Variants in B4GALNT3 observed in about 807,000 individuals in gnomAD.
The protein encoded by B4GALNT3 is beta-1,4-N-acetylgalactosaminyltransferase 3.
In B4GALNT3, 86 loss-of-function variants were observed where a neutral mutation model predicts 120.2. The observed-to-expected ratio is 0.72, with a 90% CI of 0.60 to 0.86. The LOEUF is 0.86. Among genes scored for constraint, B4GALNT3 ranks in the 40% least tolerant of loss-of-function variants. The pLI is 0.00. For missense variants in B4GALNT3, 1,167 were observed against 1,298.9 expected, an observed-to-expected ratio of 0.90 and a Z score of 1.56; for synonymous variants, 518 against 510.4, an observed-to-expected ratio of 1.01 and a Z score of -0.20.
intron 1 of B4GALNT3, among the ~76,000 whole-genome samples, chr12:501,904 C>G (rs528103594): frequency 6.6e-6 from 1 of 152,216 alleles, no homozygotes; most frequent in African/African-American, 2.4e-5. Flanking sequence ...ACTGTACTTA[C>G]GGCAGGTGCT....
rs764602909 is a variant in B4GALNT3 at position 548,010 on chromosome 12, C to G, written c.708-14C>G. ...GGAGATGGCGCTCTGCTTCCCTGCC[C>G]TCTCTCCCGCCAGCCTGTCAGCCTC... On this transcript the variant is annotated splice_polypyrimidine_tract_variant and intron_variant, in intron 7 of 19. Transcript: ENST00000266383. The surrounding 1 kb of genome is among the most constrained non-coding windows in gnomAD (Gnocchi z 4.9). 1.9e-6 allele frequency: 3 copies of G among 1,613,130 alleles called. No homozygotes were observed. The highest frequency in any genetic ancestry group is 2.5e-6 in the Non-Finnish European group (3 of 1,179,430).
intron 1 of B4GALNT3, among the ~76,000 whole-genome samples, chr12:461,744 T>C (rs899141657): frequency 6.6e-6 from 1 of 152,182 alleles, no homozygotes; most frequent in Non-Finnish European, 1.5e-5. Context: ...AGAGAATTAC[T>C]AGGGACAGTC....
At chr12:497,742 C>T (rs1369566240) in intron 1 of B4GALNT3, among the ~76,000 whole-genome samples, 1 of 152,154 alleles carries the variant, frequency 6.6e-6, no homozygotes, top group Non-Finnish European at 1.5e-5. Context: ...CATGCTTGAC[C>T]TCCCGCTCTT....
intron 1 of B4GALNT3, among the ~76,000 whole-genome samples, chr12:493,100 C>G (rs1401330268): frequency 6.6e-6 from 1 of 152,098 alleles, no homozygotes; most frequent in Non-Finnish European, 1.5e-5. Flanking sequence ...GCTAGACTTC[C>G]TTAAATGTAA....
intron 1 of B4GALNT3, among the ~76,000 whole-genome samples, chr12:529,333 G>A (rs572932923): frequency 1.2e-3 from 187 of 152,310 alleles, no homozygotes; most frequent in Non-Finnish European, 2.1e-3. Flanking sequence ...TTTGGTTGGG[G>A]TCGGGGTTAA....
rs1255907970 is a variant in B4GALNT3, at chr12:460,926, G to C, written c.169+381G>C. On this transcript the variant is annotated intron_variant, in intron 1 of 19. Transcript: ENST00000266383. The surrounding 1 kb of genome is among the most constrained non-coding windows in gnomAD (Gnocchi z 8.0). ...GGGAGGAGGTCCGTGGGGTCCACGC[G>C]CGAGCTAGGGATTCGGGTGCGGGAT... 2.6e-5 allele frequency among the ~76,000 whole-genome samples: 4 copies of C among 152,150 alleles called. No individual in the cohort carries two copies. Among genetic ancestry groups the C allele is most frequent in the Admixed American group, 2.6e-4 (4 of 15,290 alleles).
intron 1 of B4GALNT3, among the ~76,000 whole-genome samples, chr12:472,356 C>T (rs746940187): frequency 1.2e-4 from 19 of 152,240 alleles, no homozygotes; most frequent in Non-Finnish European, 2.1e-4. Context: ...TCATGGCTCG[C>T]TGCAGTCTCA....
At chr12:541,231 C>A (rs1298902600) in intron 3 of B4GALNT3, among the ~76,000 whole-genome samples, 2 of 152,246 alleles carry the variant, frequency 1.3e-5, no homozygotes, top group African/African-American at 4.8e-5. Context: ...ACGATGCCCT[C>A]CCCTCTCCCA....
chr12:522,562 A>G (rs1205709201), intron 1 of B4GALNT3, among the ~76,000 whole-genome samples: 1 of 152,158 alleles, frequency 6.6e-6, no homozygotes, highest in Non-Finnish European at 1.5e-5. Flanking sequence ...TCAGTTCGGC[A>G]TGATGGGGAG....
intron 1 of B4GALNT3, among the ~76,000 whole-genome samples, chr12:501,594 G>C (rs1375730283): frequency 1.3e-5 from 2 of 152,032 alleles, no homozygotes; most frequent in African/African-American, 4.8e-5. Flanking sequence ...ATAAGAAAAA[G>C]GAAAAAGAAA....
At chr12:483,525 C>T (rs1453561022) in intron 1 of B4GALNT3, among the ~76,000 whole-genome samples, 2 of 152,112 alleles carry the variant, frequency 1.3e-5, no homozygotes, top group Non-Finnish European at 2.9e-5. Flanking sequence ...GGTGAAACCC[C>T]CTCTCTACCA....
intron 1 of B4GALNT3, among the ~76,000 whole-genome samples, chr12:532,316 C>T (rs993590328): frequency 1.3e-5 from 2 of 152,228 alleles, no homozygotes; most frequent in Admixed American, 6.5e-5. Flanking sequence ...CTGTAATCCA[C>T]TCACCTCCCT....
intron 1 of B4GALNT3, among the ~76,000 whole-genome samples, chr12:470,953 TCCTGA>T (rs1009295282): frequency 6.6e-6 from 1 of 151,794 alleles, no homozygotes; most frequent in Non-Finnish European, 1.5e-5. Context: ...GGTCTCGAAC[TCCTGA>T]CCTCAGGTGA....
chr12:559,777 C>G (rs1200697725), intron 19 of B4GALNT3, among the ~76,000 whole-genome samples: 1 of 152,144 alleles, frequency 6.6e-6, no homozygotes, highest in Admixed American at 6.5e-5. Flanking sequence ...GGTAGTGCGC[C>G]TCCCGTCAGC....
chr12:557,499 G>C, intron 15 of B4GALNT3, 109 bp from the exon 16 acceptor site: 1 of 1,127,834 alleles, frequency 8.9e-7, no homozygotes, highest in Non-Finnish European at 1.3e-6. Context: ...CCCCTCAGCC[G>C]AGGTCCGATG....
Position 468,206 on chromosome 12 carries a change from C to T in B4GALNT3, c.169+7661C>T, listed in dbSNP as rs73590335. Among the ~76,000 whole-genome samples the T allele has an allele frequency of 2.9e-3, 439 of 152,098 alleles. 3 individuals are homozygous for T. Among genetic ancestry groups the T allele is most frequent in the African/African-American group, 0.01 (429 of 41,532 alleles). On this transcript the variant is annotated intron_variant, in intron 1 of 19. Transcript: ENST00000266383. ...CAAATATGAAGAAGAAATGAACAAT[C>T]ACCTAAAATGTCACCACTCTGACCT... is the stretch of plus-strand genomic sequence containing the variant.
chr12:484,616 T>C (rs1946272993), intron 1 of B4GALNT3, among the ~76,000 whole-genome samples: 1 of 152,016 alleles, frequency 6.6e-6, no homozygotes. Context: ...GTACACTTTC[T>C]CTCCAGATGA....
At chr12:521,282 T>A (rs975408334) in intron 1 of B4GALNT3, among the ~76,000 whole-genome samples, 1 of 152,164 alleles carries the variant, frequency 6.6e-6, no homozygotes, top group African/African-American at 2.4e-5. Context: ...TGGGGTCACT[T>A]AGACCCTCTT....
intron 1 of B4GALNT3, among the ~76,000 whole-genome samples, chr12:512,204 TCCA>T (rs1291994821): frequency 1.2e-5 from 1 of 86,348 alleles, no homozygotes; most frequent in African/African-American, 6.0e-5. Context: ...CCTTCCACCT[TCCA>T]CCTTCCACCT....
Sources: gnomAD v4.1 joint callset for allele counts (sites outside exome capture counted in the v4.1 genomes callset) on GRCh38, gnomAD v4.1.1 for gene constraint, Gnocchi (gnomAD v3.1) non-coding constraint, MANE v1.5 for transcripts, NCBI Gene and HGNC (gene_info 2026-07-23, HGNC 2026-07-21) for gene names.